Variants in PLEKHA7 observed in about 807,000 individuals in gnomAD.
PLEKHA7 encodes the protein pleckstrin homology domain containing A7.
PLEKHA7 carries 104 observed loss-of-function variants against 170.0 expected under a neutral mutation model. The ratio of observed to expected loss-of-function variants is 0.61; its 90% CI spans 0.52 to 0.72. The LOEUF (loss-of-function observed/expected upper bound fraction) is 0.72, where lower values mean the gene tolerates loss of function less well. PLEKHA7 is among the 30% of genes least tolerant of loss of function. The pLI, the probability that PLEKHA7 is intolerant of heterozygous loss-of-function variation, is 0.00. For synonymous variants in PLEKHA7, 648 were observed against 660.8 expected (o/e 0.98, Z 0.30); for missense variants, 1,615 against 1,671.7 (o/e 0.97, Z 0.59).
intron 3 of PLEKHA7, among the ~76,000 whole-genome samples, chr11:16,982,038 A>G (rs1863460367): frequency 6.6e-6 from 1 of 152,232 alleles, no homozygotes; most frequent in Non-Finnish European, 1.5e-5. Flanking sequence ...AGGACACTCC[A>G]TATGCCAGCA....
chr11:16,794,284 T>C (rs1848058614), intron 19 of PLEKHA7, among the ~76,000 whole-genome samples: 1 of 152,018 alleles, frequency 6.6e-6, no homozygotes, highest in South Asian at 2.1e-4. Flanking sequence ...GGTTAGATCA[T>C]CTTCCAGGGC....
chr11:16,983,234 T>G (rs1863543845), intron 3 of PLEKHA7, among the ~76,000 whole-genome samples: 1 of 152,214 alleles, frequency 6.6e-6, no homozygotes, highest in East Asian at 1.9e-4. Flanking sequence ...GAACTTCCTA[T>G]CAATGAGAAT....
chr11:16,880,091 T>C (rs778356154), intron 3 of PLEKHA7, among the ~76,000 whole-genome samples: 4 of 152,220 alleles, frequency 2.6e-5, no homozygotes, highest in Non-Finnish European at 5.9e-5. Context: ...TTAAGGAAGT[T>C]GGCAGAGGGG....
intron 3 of PLEKHA7, among the ~76,000 whole-genome samples, chr11:16,972,266 C>T (rs995635836): frequency 6.6e-6 from 1 of 151,972 alleles, no homozygotes; most frequent in Non-Finnish European, 1.5e-5. Context: ...GGACTACAAG[C>T]GCACACCACC....
At chr11:16,916,613 A>G (rs1858704032) in intron 3 of PLEKHA7, among the ~76,000 whole-genome samples, 1 of 152,206 alleles carries the variant, frequency 6.6e-6, no homozygotes. Flanking sequence ...AACCCTGAAG[A>G]GGAAACAGGA....
At chr11:16,910,896 C>A (rs1463999179) in intron 3 of PLEKHA7, among the ~76,000 whole-genome samples, 1 of 152,224 alleles carries the variant, frequency 6.6e-6, no homozygotes, top group Non-Finnish European at 1.5e-5. Context: ...TTCTTCCAGG[C>A]TTGGCTCCAG....
chr11:16,990,782 T>C (rs1311908318), intron 3 of PLEKHA7, among the ~76,000 whole-genome samples: 1 of 152,236 alleles, frequency 6.6e-6, no homozygotes, highest in East Asian at 1.9e-4. Flanking sequence ...TCTCTCCTTC[T>C]GGTCTATCAC....
chr11:16,895,418 T>G (rs1856937270), intron 3 of PLEKHA7, among the ~76,000 whole-genome samples: 1 of 152,166 alleles, frequency 6.6e-6, no homozygotes. Context: ...GAGCACTTCC[T>G]CCTTTGGCAA....
chr11:16,876,929 G>C (rs1241881014), intron 3 of PLEKHA7, among the ~76,000 whole-genome samples: 3 of 152,174 alleles, frequency 2.0e-5, no homozygotes, highest in Admixed American at 1.3e-4. Flanking sequence ...ACAGAACAGT[G>C]GGGGTCGGAG....
intron 3 of PLEKHA7, among the ~76,000 whole-genome samples, chr11:16,983,853 C>G (rs936749655): frequency 2.6e-5 from 4 of 152,146 alleles, no homozygotes; most frequent in African/African-American, 7.2e-5. Flanking sequence ...CTAGAAGGCA[C>G]CCAGGTCCAT....
At chr11:16,901,149 GA>G (rs1220441401) in intron 3 of PLEKHA7, among the ~76,000 whole-genome samples, 6 of 152,058 alleles carry the variant, frequency 3.9e-5, no homozygotes, top group Non-Finnish European at 8.8e-5. Context: ...ACCCAGCCAT[GA>G]TGTTCTTTTT....
At chr11:16,965,863 C>T (rs973582850) in intron 3 of PLEKHA7, among the ~76,000 whole-genome samples, 2 of 152,162 alleles carry the variant, frequency 1.3e-5, no homozygotes, top group Non-Finnish European at 2.9e-5. Context: ...ACTGCCTGCC[C>T]AGCACATTCC....
chr11:16,813,415 T>A (rs1460603503), intron 12 of PLEKHA7: 2 of 412,502 alleles, frequency 4.8e-6, no homozygotes, highest in African/African-American at 2.0e-5. Context: ...GGGGAAGAGT[T>A]TGGCAGGGAG....
At chr11:16,992,566 G>A (rs1439786800) in intron 3 of PLEKHA7, among the ~76,000 whole-genome samples, 2 of 152,120 alleles carry the variant, frequency 1.3e-5, no homozygotes, top group African/African-American at 2.4e-5. Flanking sequence ...GACCAGCCTG[G>A]CCAATGTGGT....
At chr11:16,896,849 C>T (rs1857024400) in intron 3 of PLEKHA7, among the ~76,000 whole-genome samples, 1 of 152,164 alleles carries the variant, frequency 6.6e-6, no homozygotes, top group South Asian at 2.1e-4. Context: ...TTCTTGAGGA[C>T]CATGTCCTTA....
chr11:16,868,239 G>A (rs1306784938), intron 4 of PLEKHA7, among the ~76,000 whole-genome samples: 1 of 152,094 alleles, frequency 6.6e-6, no homozygotes, highest in African/African-American at 2.4e-5. Context: ...TATTACCAGA[G>A]CAGACCCTAG....
chr11:16,810,199 T>C (rs1357936368), intron 13 of PLEKHA7, among the ~76,000 whole-genome samples: 1 of 152,218 alleles, frequency 6.6e-6, no homozygotes, highest in East Asian at 1.9e-4. Flanking sequence ...TTTTAGATAC[T>C]TACAAACAAA....
intron 3 of PLEKHA7, among the ~76,000 whole-genome samples, chr11:16,879,573 G>A (rs924360235): frequency 3.3e-5 from 5 of 152,094 alleles, no homozygotes; most frequent in African/African-American, 1.2e-4. Flanking sequence ...TGTGGGCAGC[G>A]ACATGGAAAC....
intron 3 of PLEKHA7, among the ~76,000 whole-genome samples, chr11:16,972,211 C>T (rs1056447715): frequency 1.3e-5 from 2 of 152,210 alleles, no homozygotes; most frequent in African/African-American, 4.8e-5. Flanking sequence ...CAGCTTCAAC[C>T]TCCCAGGCTC....
Sources: gnomAD v4.1 joint callset for allele counts (sites outside exome capture counted in the v4.1 genomes callset) on GRCh38, gnomAD v4.1.1 for gene constraint, MANE v1.5 for transcripts, NCBI Gene and HGNC (gene_info 2026-07-23, HGNC 2026-07-21) for gene names.